Variants in UBAP2 observed in about 807,000 individuals in gnomAD.
UBAP2 encodes the protein ubiquitin-associated protein 2.
UBAP2 carries 75 observed loss-of-function variants against 139.6 expected under a neutral mutation model. The observed-to-expected ratio is 0.54, with a 90% confidence interval of 0.45 to 0.65. The LOEUF (loss-of-function observed/expected upper bound fraction) is 0.65. UBAP2 is among the 30% of genes least tolerant of loss of function. The probability of loss-of-function intolerance (pLI) is 0.00; values close to 1 mark genes in which losing one functional copy is unlikely to be tolerated. For missense variants in UBAP2, 1,368 were observed against 1,369.6 expected (o/e 1.00, Z 0.02); for synonymous variants, 526 against 526.2 (o/e 1.00, Z 0.01).
At chr9:33,993,828 C>T (rs993749371) in intron 4 of UBAP2, among the ~76,000 whole-genome samples, 1 of 152,086 alleles carries the variant, frequency 6.6e-6, no homozygotes, top group Non-Finnish European at 1.5e-5. Context: ...TCAGATATAG[C>T]CCACACTATA....
chr9:33,983,735 G>A (rs748328493), intron 6 of UBAP2, among the ~76,000 whole-genome samples: 27 of 152,094 alleles, frequency 1.8e-4, no homozygotes, highest in Non-Finnish European at 3.4e-4. Context: ...AACACTCTTC[G>A]TTGCCATCTT....
At chr9:33,991,660 C>A (rs996641286) in intron 4 of UBAP2, among the ~76,000 whole-genome samples, 1 of 152,072 alleles carries the variant, frequency 6.6e-6, no homozygotes, top group Non-Finnish European at 1.5e-5. Context: ...TCTAATTAAA[C>A]AATAAAGCTT....
intron 8 of UBAP2, 89 bp from the exon 9 acceptor site, chr9:33,963,880 T>A: frequency 1.1e-6 from 1 of 948,702 alleles, no homozygotes; most frequent in Non-Finnish European, 1.7e-6. Context: ...CAAAGCTATG[T>A]ATATGCTGCG....
At chr9:34,002,443 T>A (rs1168098626) in intron 2 of UBAP2, among the ~76,000 whole-genome samples, 1 of 148,348 alleles carries the variant, frequency 6.7e-6, no homozygotes, top group African/African-American at 2.5e-5. Context: ...CATGGCGCGA[T>A]ATCGGCTCAC....
chr9:34,031,800 AAAAG>A (rs1438993676), intron 1 of UBAP2, among the ~76,000 whole-genome samples: 5 of 151,832 alleles, frequency 3.3e-5, no homozygotes, highest in South Asian at 2.1e-4. Context: ...AAAAAAAAAA[AAAAG>A]AAAGAAAAAA....
rs1159391156 is a variant in UBAP2, at chr9:33,923,414, T to C, written c.2861A>G (p.Gln954Arg). 6.2e-7 allele frequency: 1 copy of C among 1,614,048 alleles called. No homozygotes were observed. Among genetic ancestry groups the C allele is most frequent in the Non-Finnish European group, 8.5e-7 (1 of 1,180,028 alleles). Reference protein sequence around the residue: ...NLSTPTPPFQQASGYGQHGYS... With the variant: ...NLSTPTPPFQRASGYGQHGYS... ...GCCGTGCTGGCCATAACCACTGGCC[T>C]GCTGGAAGGGAGGTGTGGGAGTGCT... Residue 954 changes from glutamine to arginine, a missense_variant, in exon 25 of 29, where the codon CAG becomes CGG. Physicochemically the swap from Gln to Arg is conservative, Grantham distance 43. Transcript: ENST00000379238.
At chr9:33,962,440 G>A (rs537581377) in intron 9 of UBAP2, among the ~76,000 whole-genome samples, 2 of 152,112 alleles carry the variant, frequency 1.3e-5, no homozygotes, top group South Asian at 2.1e-4. Flanking sequence ...GAGGTCAGGA[G>A]TTCAAGACCA....
chr9:33,949,664 C>T (rs1825934972), intron 12 of UBAP2, among the ~76,000 whole-genome samples: 1 of 147,354 alleles, frequency 6.8e-6, no homozygotes, highest in Non-Finnish European at 1.5e-5. Context: ...GATCGCACCA[C>T]TGCACTCCAG....
intron 1 of UBAP2, among the ~76,000 whole-genome samples, chr9:34,034,951 G>A (rs1430010579): frequency 2.6e-5 from 4 of 152,022 alleles, no homozygotes; most frequent in African/African-American, 9.7e-5. Context: ...CAAAGGCTCA[G>A]AAAAATTACC....
At chr9:34,020,503 T>C (rs1262772204) in intron 1 of UBAP2, among the ~76,000 whole-genome samples, 3 of 151,568 alleles carry the variant, frequency 2.0e-5, no homozygotes. Context: ...TTTTGGTATT[T>C]TTAGTAGAGA....
At chr9:33,935,978 CA>C in intron 16 of UBAP2, 100 bp from the exon 17 acceptor site, 1 of 1,087,046 alleles carries the variant, frequency 9.2e-7, no homozygotes, top group Non-Finnish European at 1.3e-6. Context: ...AATCAAGAAA[CA>C]ATTATCTCTT....
At chr9:33,933,722 T>C in intron 17 of UBAP2, 94 bp from the exon 18 acceptor site, 1 of 1,531,656 alleles carries the variant, frequency 6.5e-7, no homozygotes, top group Non-Finnish European at 8.8e-7. Context: ...TTGTGACATG[T>C]CAGCCTCAGT....
chr9:34,040,549 C>G (rs1236050754), intron 1 of UBAP2, among the ~76,000 whole-genome samples: 2 of 152,064 alleles, frequency 1.3e-5, no homozygotes, highest in African/African-American at 4.8e-5. Context: ...AGTTCACGAC[C>G]AGCCCAGCCA....
intron 2 of UBAP2, among the ~76,000 whole-genome samples, chr9:33,999,762 AGTGCAGTGCCGTGATCTTGACTGT>A (rs369777922): frequency 0.022 from 3,391 of 152,082 alleles, 63 homozygotes; most frequent in Non-Finnish European, 0.035. Flanking sequence ...CCCTAGCTGG[AGTGCAGTGCCGTGATCTTGACTGT>A]GCAACCTCCG....
rs1301101185 is a variant in UBAP2 at position 33,986,924 on chromosome 9, G to A, written c.443-87C>T. The A allele has an allele frequency of 6.9e-6, 8 of 1,162,754 alleles. No individual in the cohort carries two copies. In the African/African-American group the frequency reaches 1.1e-4, roughly 15 times the overall value. 72.0% of individuals were successfully genotyped at this position (1,162,754 alleles called of 1,614,324 possible). A position where few individuals can be genotyped will look rare whatever the true frequency, so the allele number is the denominator to read the frequency against. ...TCAAGCACCTATTAAAGGCAAAGAA[G>A]GAATGACAAACAGGCTACAATTTAA... is the stretch of plus-strand genomic sequence containing the variant. On this transcript the variant is annotated intron_variant, in intron 5 of 28. Transcript: ENST00000379238.
chr9:33,993,232 G>A (rs16935334), intron 4 of UBAP2, among the ~76,000 whole-genome samples: 2,572 of 152,264 alleles, frequency 0.017, 71 homozygotes, highest in African/African-American at 0.057. Flanking sequence ...ACAGAGGAAG[G>A]TTAGATAATA....
At chr9:34,016,912 A>G (rs780928445) in intron 2 of UBAP2, 138 bp downstream of exon 2, 372 of 653,636 alleles carry the variant, frequency 5.7e-4, no homozygotes, top group Admixed American at 1.4e-3. Flanking sequence ...TACAAAGGAA[A>G]ACATTAAATC....
At chr9:34,013,603 G>C (rs1387119947) in intron 2 of UBAP2, among the ~76,000 whole-genome samples, 1 of 152,096 alleles carries the variant, frequency 6.6e-6, no homozygotes, top group Non-Finnish European at 1.5e-5. Context: ...CCGGCAGGGC[G>C]TGGTAACTCA....
intron 1 of UBAP2, among the ~76,000 whole-genome samples, chr9:34,025,964 T>A (rs1825367324): frequency 6.6e-6 from 1 of 152,232 alleles, no homozygotes; most frequent in Non-Finnish European, 1.5e-5. Context: ...CAGTTTAGAC[T>A]TAACTGAAAA....
Sources: gnomAD v4.1 joint callset for allele counts (sites outside exome capture counted in the v4.1 genomes callset) on GRCh38, gnomAD v4.1.1 for gene constraint, MANE v1.5 for transcripts, NCBI Gene and HGNC (gene_info 2026-07-23, HGNC 2026-07-21) for gene names.